DBNDD1: variants seen among roughly 807,000 people sequenced by gnomAD.
DBNDD1 encodes the protein dysbindin domain-containing protein 1.
A neutral mutation model predicts 17.0 loss-of-function variants in DBNDD1; 14 were observed. The observed-to-expected ratio is 0.82, with a 90% CI of 0.54 to 1.29. The LOEUF (loss-of-function observed/expected upper bound fraction) is 1.29. Among genes scored for constraint, DBNDD1 ranks in the 50% most tolerant of loss-of-function variants. DBNDD1 has a pLI of 0.00. For synonymous variants in DBNDD1, 105 were observed against 102.0 expected (o/e 1.03, Z -0.18); for missense variants, 221 against 216.2 (o/e 1.02, Z -0.14).
intron 3 of DBNDD1, 78 bp downstream of exon 3, chr16:90,008,706 C>G (rs71398853): frequency 3.6e-6 from 5 of 1,391,586 alleles, no homozygotes; most frequent in African/African-American, 3.0e-5. Flanking sequence ...CAGCCCACCA[C>G]ACACACCTCC....
rs1472304089 is a variant in DBNDD1, at chr16:90,008,903, G to A, written c.200C>T (p.Ser67Phe). The A allele has an allele frequency of 1.3e-6, 2 of 1,576,322 alleles. No individual in the cohort carries two copies. The highest frequency in any genetic ancestry group is 1.7e-6 in the Non-Finnish European group (2 of 1,156,446). The change falls in exon 3 of 4, where the codon TCT (serine) becomes TTT (phenylalanine). Residue 67 changes from serine (S) to phenylalanine (F), a missense_variant. By Grantham distance (155) the Ser-to-Phe change is radical. Coordinates refer to ENST00000002501, the MANE Select transcript of DBNDD1 (RefSeq NM_001042610.3). ...CAGGAGGTCGAAGTGGACCTCCAGA[G>A]AGGAGACGCTGCTCAGAGGCTCTGA... ...ERRQPLSSVS[S>F]LEVHFDLLDL...
Position 90,009,477 on chromosome 16 carries a change from C to T in DBNDD1, c.32-47G>A, listed in dbSNP as rs373244931. The T allele has an allele frequency of 2.4e-5, 38 of 1,600,522 alleles. No homozygotes were observed. The South Asian group carries it at 2.7e-4, about 12-fold the overall frequency. ...CACCTTGAGATCCACAGGGCTCCCACATCCCCCCAGGACGCGGGGCTGGGT... is the reference window on the plus strand; with the variant it reads ...CACCTTGAGATCCACAGGGCTCCCATATCCCCCCAGGACGCGGGGCTGGGT... On this transcript the variant is annotated intron_variant, in intron 1 of 3. Transcript: ENST00000002501.
At chr16:90,009,964 A>T in intron 1 of DBNDD1, 1 of 1,613,950 alleles carries the variant, frequency 6.2e-7, no homozygotes, top group Non-Finnish European at 8.5e-7. Context: ...AACCAGGAGG[A>T]ATAGGCAGGC....
chr16:90,016,653 G>T (rs1388087095), intron 1 of DBNDD1, among the ~76,000 whole-genome samples: 1 of 152,034 alleles, frequency 6.6e-6, no homozygotes, highest in Non-Finnish European at 1.5e-5. Flanking sequence ...GGGTGCCTCA[G>T]CCCGGCCCCC....
At chr16:90,007,936 C>A (rs991546827) in intron 3 of DBNDD1, among the ~76,000 whole-genome samples, 1 of 149,182 alleles carries the variant, frequency 6.7e-6, no homozygotes, top group Non-Finnish European at 1.5e-5. Flanking sequence ...ACCCCCCAAA[C>A]ACACCTCCCA....
At chr16:90,008,580 A>G (rs1211660062) in intron 3 of DBNDD1, among the ~76,000 whole-genome samples, 3 of 60,912 alleles carry the variant, frequency 4.9e-5, no homozygotes, top group Non-Finnish European at 1.3e-4. Flanking sequence ...GCCTCAGCCC[A>G]CCACGCACAC....
chr16:90,018,950 C>G (rs1214853055), intron 1 of DBNDD1, among the ~76,000 whole-genome samples: 1 of 152,230 alleles, frequency 6.6e-6, no homozygotes, highest in Non-Finnish European at 1.5e-5. Flanking sequence ...TCACGCCCCA[C>G]CGACAGGGAC....
intron 1 of DBNDD1, among the ~76,000 whole-genome samples, chr16:90,010,805 ACCTCACTTGCCTCAGGCAGC>A (rs1270064460): frequency 1.3e-5 from 2 of 152,144 alleles, no homozygotes; most frequent in Non-Finnish European, 2.9e-5. Flanking sequence ...CCTAGCGGCC[ACCTCACTTGCCTCAGGCAGC>A]CAGTGAGTCC....
intron 1 of DBNDD1, among the ~76,000 whole-genome samples, chr16:90,010,864 G>T (rs541784135): frequency 6.6e-6 from 1 of 152,360 alleles, no homozygotes; most frequent in Non-Finnish European, 1.5e-5. Flanking sequence ...CTGTCCCTGG[G>T]TGCATGCCCC....
At chr16:90,009,186 C>T (rs2151261081) in intron 2 of DBNDD1, 98 bp downstream of exon 2, 1 of 1,532,472 alleles carries the variant, frequency 6.5e-7, no homozygotes, top group East Asian at 2.3e-5. Context: ...CTAGACCCCC[C>T]AGGGAGTGTT....
At chr16:90,009,701 C>G in intron 1 of DBNDD1, 1 of 626,174 alleles carries the variant, frequency 1.6e-6, no homozygotes, top group Non-Finnish European at 2.7e-6. Context: ...TACGCAAGCA[C>G]CCATGAAAGC....
At chr16:90,010,043 C>T in intron 1 of DBNDD1, 2 of 1,614,112 alleles carry the variant, frequency 1.2e-6, no homozygotes, top group Admixed American at 1.7e-5. Context: ...CCAGGTTTCT[C>T]CCATGTTTAT....
At chr16:90,012,711 G>A (rs1400777862) in intron 1 of DBNDD1, among the ~76,000 whole-genome samples, 2 of 151,242 alleles carry the variant, frequency 1.3e-5, no homozygotes, top group Non-Finnish European at 2.9e-5. Context: ...CGTCTGCCTC[G>A]GCCTCCCAAA....
chr16:90,006,924 CAT>C (rs1253394473), intron 3 of DBNDD1: 1 of 169,906 alleles, frequency 5.9e-6, no homozygotes, highest in African/African-American at 2.4e-5. Flanking sequence ...TCTGCCCCAT[CAT>C]GGGCCTTGTG....
At chr16:90,014,166 C>T (rs1248761861) in intron 1 of DBNDD1, among the ~76,000 whole-genome samples, 6 of 150,946 alleles carry the variant, frequency 4.0e-5, no homozygotes, top group African/African-American at 1.2e-4. Flanking sequence ...CTCGCTCTGT[C>T]ACCAGGCTGG....
At position 90,013,261 on chromosome 16, in the gene DBNDD1, T is replaced by C. The variant is rs1315891535; in HGVS notation, c.32-3831A>G. ...TTGAGCAACAGAGCGAAACCTTGCC[T>C]TAAAAAAAAAAAAAAAAAAAAAGAC... On this transcript the variant is annotated intron_variant, in intron 1 of 3. Transcript: ENST00000002501. Among the ~76,000 whole-genome samples, 44 of 4,490 alleles carry C rather than the reference T, an allele frequency of 9.8e-3. 2 individuals carry two copies. Among genetic ancestry groups the C allele is most frequent in the South Asian group, 0.039 (3 of 76 alleles). 2.9% of individuals were successfully genotyped at this position (4,490 alleles called of 152,430 possible). A position where few individuals can be genotyped will look rare whatever the true frequency, so the allele number is the denominator to read the frequency against.
chr16:90,013,337 A>T (rs2151263751), intron 1 of DBNDD1, among the ~76,000 whole-genome samples: 1 of 149,570 alleles, frequency 6.7e-6, no homozygotes, highest in East Asian at 2.0e-4. Flanking sequence ...TTTATTGACT[A>T]ACTCCATTCT....
intron 1 of DBNDD1, among the ~76,000 whole-genome samples, chr16:90,018,089 G>A (rs1448041661): frequency 6.6e-6 from 1 of 152,202 alleles, no homozygotes; most frequent in African/African-American, 2.4e-5. Context: ...TGTCTCCACT[G>A]ACAGAAATGG....
chr16:90,006,092 G>A lies in DBNDD1; in HGVS notation c.*243C>T. The A allele has an allele frequency of 2.0e-6, 1 of 509,992 alleles. No individual in the cohort carries two copies. Among genetic ancestry groups the A allele is most frequent in the Non-Finnish European group, 3.5e-6 (1 of 284,050 alleles). The allele number at this position is 509,992 out of a possible 1,614,324, so 31.6% of individuals were successfully genotyped here. On this transcript the variant is annotated 3_prime_UTR_variant, in exon 4 of 4. Coordinates refer to ENST00000002501, the MANE Select transcript of DBNDD1 (RefSeq NM_001042610.3). Reference sequence around the variant, plus strand: ...CTGTGCTTGTGCTGGGGCTCCCAGAGGCATCCGGGGGCCCCGTGTGTCCCC... The same window carrying A: ...CTGTGCTTGTGCTGGGGCTCCCAGAAGCATCCGGGGGCCCCGTGTGTCCCC...
Sources: gnomAD v4.1 joint callset for allele counts (sites outside exome capture counted in the v4.1 genomes callset) on GRCh38, gnomAD v4.1.1 for gene constraint, MANE v1.5 for transcripts, NCBI Gene and HGNC (gene_info 2026-07-23, HGNC 2026-07-21) for gene names.